The following MTA3 variants were observed in gnomAD, a reference collection of about 807,000 sequenced individuals.
MTA3 encodes metastasis-associated protein MTA3.
A neutral mutation model predicts 83.5 loss-of-function variants in MTA3; 34 were observed. That is an observed-to-expected ratio of 0.41 (90% CI 0.31 to 0.54). MTA3 has a LOEUF of 0.54. Ranked by LOEUF, MTA3 falls within the 20% of genes least tolerant of loss-of-function variation. MTA3 has a pLI of 0.33. For missense variants in MTA3, 761 were observed against 726.4 expected (o/e 1.05, Z -0.55); for synonymous variants, 303 against 252.7 (o/e 1.20, Z -1.89).
At chr2:42,503,186 C>A (rs1020291840) in intron 2 of MTA3, among the ~76,000 whole-genome samples, 2 of 152,162 alleles carry the variant, frequency 1.3e-5, no homozygotes, top group African/African-American at 4.8e-5. Flanking sequence ...ATGGTTATTT[C>A]TTGATGATAC....
At chr2:42,609,049 TG>T (rs1683853774) in intron 3 of MTA3, among the ~76,000 whole-genome samples, 1 of 151,114 alleles carries the variant, frequency 6.6e-6, no homozygotes. Flanking sequence ...TTTTTTTTTT[TG>T]AGACAGATTC....
chr2:42,712,434 G>A (rs1415471979), intron 14 of MTA3, among the ~76,000 whole-genome samples: 1 of 151,986 alleles, frequency 6.6e-6, no homozygotes, highest in African/African-American at 2.4e-5. Context: ...TGGGACTATG[G>A]GTGTGGCCCA....
intron 8 of MTA3, among the ~76,000 whole-genome samples, chr2:42,665,590 G>A (rs182906679): frequency 7.9e-5 from 12 of 152,240 alleles, no homozygotes; most frequent in Admixed American, 7.9e-4. Flanking sequence ...CACTCCCCTG[G>A]CTTGAAGAAC....
At chr2:42,531,663 G>A (rs1368505335) in intron 2 of MTA3, among the ~76,000 whole-genome samples, 2 of 151,126 alleles carry the variant, frequency 1.3e-5, no homozygotes, top group Admixed American at 1.3e-4. Flanking sequence ...ATATTGGCCA[G>A]GCTGGTCTCA....
intron 16 of MTA3, among the ~76,000 whole-genome samples, chr2:42,723,688 A>G (rs1192548987): frequency 6.6e-6 from 1 of 152,204 alleles, no homozygotes; most frequent in African/African-American, 2.4e-5. Context: ...TCATCCAGGC[A>G]GTATATGTTC....
chr2:42,670,259 CAAA>C (rs796900270), intron 8 of MTA3, among the ~76,000 whole-genome samples: 5 of 105,280 alleles, frequency 4.7e-5, no homozygotes, highest in East Asian at 5.6e-4. Context: ...AACTCCGTGT[CAAA>C]AAAAAAAAAA....
At chr2:42,627,699 G>A (rs1056202954) in intron 4 of MTA3, among the ~76,000 whole-genome samples, 2 of 151,124 alleles carry the variant, frequency 1.3e-5, no homozygotes, top group Non-Finnish European at 2.9e-5. Context: ...AAGTAGCTGG[G>A]AGTATGTGCC....
chr2:42,608,102 G>A (rs1365025801), intron 3 of MTA3, among the ~76,000 whole-genome samples: 1 of 152,170 alleles, frequency 6.6e-6, no homozygotes, highest in Non-Finnish European at 1.5e-5. Context: ...TCCTTTTTAT[G>A]GTGAACCAAG....
At chr2:42,679,785 C>T (rs144620441) in intron 8 of MTA3, among the ~76,000 whole-genome samples, 1 of 151,880 alleles carries the variant, frequency 6.6e-6, no homozygotes, top group East Asian at 1.9e-4. Context: ...CACCATAGTT[C>T]CTCATCAGAC....
intron 6 of MTA3, among the ~76,000 whole-genome samples, chr2:42,654,492 T>C (rs1227392752): frequency 6.6e-6 from 1 of 152,230 alleles, no homozygotes; most frequent in Non-Finnish European, 1.5e-5. Context: ...CAAAATTCCA[T>C]TGGCTCCCAA....
intron 2 of MTA3, among the ~76,000 whole-genome samples, chr2:42,516,671 G>T (rs2103682278): frequency 6.6e-6 from 1 of 152,318 alleles, no homozygotes; most frequent in African/African-American, 2.4e-5. Flanking sequence ...ACACAGTTCA[G>T]CCAAAGCCTG....
At chr2:42,502,917 G>T (rs574326879) in intron 2 of MTA3, among the ~76,000 whole-genome samples, 1 of 150,966 alleles carries the variant, frequency 6.6e-6, no homozygotes, top group Non-Finnish European at 1.5e-5. Flanking sequence ...AGCTGAGATC[G>T]CACCACTGCA....
In MTA3 at chr2:42,679,688, T is replaced by C. The variant is rs528342895; in HGVS notation, c.703-2713T>C. ...AGGAAATATAAACAACAGTGCCTTC[T>C]TCATTTTAAAGAATGGCTGTACTCG... is the stretch of plus-strand genomic sequence containing the variant. On this transcript the variant is annotated intron_variant, in intron 8 of 16. Transcript: ENST00000405094. Among the ~76,000 whole-genome samples the C allele has an allele frequency of 7.2e-5, 11 of 152,342 alleles. No individual in the cohort carries two copies. In the East Asian group the frequency reaches 2.1e-3, roughly 29 times the overall value.
At position 42,687,081 on chromosome 2, in the gene MTA3, C is replaced by G. The variant is rs543968290; in HGVS notation, c.891+4492C>G. Among the ~76,000 whole-genome samples, 13 of 152,200 alleles carry G rather than the reference C, an allele frequency of 8.5e-5. No individual in the cohort carries two copies. In the South Asian group the frequency reaches 1.0e-3, roughly 12 times the overall value. On this transcript the variant is annotated intron_variant, in intron 9 of 16. Transcript: ENST00000405094. ...GGCAGAGGTTGCAGTGAGCTGAGAT[C>G]GCGCCACTGCACTCTAGCCTAGGTG...
At chr2:42,658,071 C>CAAAAAAAAAAAAAA (rs59628946) in intron 7 of MTA3, among the ~76,000 whole-genome samples, 2 of 51,932 alleles carry the variant, frequency 3.9e-5, no homozygotes, top group African/African-American at 7.9e-5. Context: ...GACTCTGTCT[C>CAAAAAAAAAAAAAA]AAAAAAAAAA....
intron 3 of MTA3, among the ~76,000 whole-genome samples, chr2:42,594,661 TATAC>T (rs1397496989): frequency 2.1e-4 from 29 of 136,882 alleles, no homozygotes; most frequent in African/African-American, 7.5e-4. Flanking sequence ...TAAATATATA[TATAC>T]ACACATATAT....
At chr2:42,592,787 TC>T (rs1681182270) in intron 3 of MTA3, among the ~76,000 whole-genome samples, 2 of 152,092 alleles carry the variant, frequency 1.3e-5, no homozygotes, top group South Asian at 4.2e-4. Context: ...TGGAATACCT[TC>T]CGAAGGACCT....
chr2:42,566,847 G>A (rs764560075), upstream of MTA3, among the ~76,000 whole-genome samples: 20 of 152,138 alleles, frequency 1.3e-4, no homozygotes, highest in Non-Finnish European at 2.1e-4. Context: ...GAAACACTGT[G>A]GTTCAGAACA....
intron 3 of MTA3, among the ~76,000 whole-genome samples, chr2:42,596,146 G>A (rs1681764683): frequency 6.6e-6 from 1 of 152,204 alleles, no homozygotes; most frequent in African/African-American, 2.4e-5. Flanking sequence ...GATGTGTGTT[G>A]TATTTTCTTA....
Sources: gnomAD v4.1 joint callset for allele counts (sites outside exome capture counted in the v4.1 genomes callset) on GRCh38, gnomAD v4.1.1 for gene constraint, MANE v1.5 for transcripts, NCBI Gene and HGNC (gene_info 2026-07-23, HGNC 2026-07-21) for gene names.